MAGI1: variants seen among roughly 807,000 people sequenced by gnomAD.
MAGI1 encodes membrane-associated guanylate kinase, WW and PDZ domain-containing protein 1.
In MAGI1, 58 loss-of-function variants were observed where a neutral mutation model predicts 139.9. The observed-to-expected ratio is 0.41, with a 90% CI of 0.34 to 0.52. The LOEUF is 0.52. Among genes scored for constraint, MAGI1 ranks in the 20% least tolerant of loss-of-function variants. The probability of loss-of-function intolerance (pLI) is 0.12; values close to 1 mark genes in which losing one functional copy is unlikely to be tolerated. For missense variants in MAGI1, 1,874 were observed against 1,901.6 expected (o/e 0.99, Z 0.27); for synonymous variants, 812 against 737.9 (o/e 1.10, Z -1.63).
intron 1 of MAGI1, among the ~76,000 whole-genome samples, chr3:65,986,499 C>T (rs1186187351): frequency 6.6e-6 from 1 of 152,216 alleles, no homozygotes. Context: ...CTAAAATTAG[C>T]TCTTGCCTTG....
intron 13 of MAGI1, among the ~76,000 whole-genome samples, chr3:65,392,433 T>C (rs1277675120): frequency 3.3e-5 from 5 of 152,284 alleles, no homozygotes; most frequent in East Asian, 3.9e-4. Flanking sequence ...ATTTAAAGCA[T>C]TGTATGGGGT....
intron 1 of MAGI1, among the ~76,000 whole-genome samples, chr3:65,694,711 T>A (rs374989044): frequency 6.6e-6 from 1 of 152,238 alleles, no homozygotes; most frequent in Non-Finnish European, 1.5e-5. Context: ...CTTGTACTCC[T>A]GTGACTAACC....
At chr3:65,640,623 G>C (rs534445194) in intron 1 of MAGI1, among the ~76,000 whole-genome samples, 4 of 152,276 alleles carry the variant, frequency 2.6e-5, no homozygotes, top group African/African-American at 9.6e-5. Context: ...CACCTTTTTG[G>C]AAGGAAGCTG....
At chr3:65,553,383 A>G (rs908827054) in intron 2 of MAGI1, among the ~76,000 whole-genome samples, 3 of 152,176 alleles carry the variant, frequency 2.0e-5, no homozygotes, top group Non-Finnish European at 4.4e-5. Flanking sequence ...TTGCCCTAAC[A>G]TTAAACAGAA....
chr3:66,021,452 G>C lies in MAGI1; in HGVS notation c.313+16544C>G, dbSNP rs557969869. Among the ~76,000 whole-genome samples the C allele has an allele frequency of 3.7e-4, 57 of 152,306 alleles. 1 individual carries two copies. The South Asian group carries it at 0.012, about 31-fold the overall frequency. ...TAGCATTTGCCCCCTAGAAGAACTT[G>C]CAGCTCAAATAACTCAATTTGTCTT... On this transcript the variant is annotated intron_variant, in intron 1 of 22. Coordinates refer to ENST00000402939, the MANE Select transcript of MAGI1 (RefSeq NM_001033057.2).
At chr3:65,718,678 G>A (rs982670253) in intron 1 of MAGI1, 7 of 152,114 alleles carry the variant, frequency 4.6e-5, no homozygotes, top group African/African-American at 1.7e-4. Flanking sequence ...CAGGATTCAC[G>A]TACAAATATG....
At chr3:66,017,182 G>A (rs760453251) in intron 1 of MAGI1, among the ~76,000 whole-genome samples, 8 of 152,182 alleles carry the variant, frequency 5.3e-5, no homozygotes, top group Admixed American at 2.0e-4. Context: ...ACCTTGCTAC[G>A]TTCATGAAGT....
At chr3:65,883,873 T>C (rs2060431581) in intron 1 of MAGI1, among the ~76,000 whole-genome samples, 1 of 152,218 alleles carries the variant, frequency 6.6e-6, no homozygotes, top group Non-Finnish European at 1.5e-5. Flanking sequence ...AATAAACTAC[T>C]GGAGCCAGAA....
intron 1 of MAGI1, among the ~76,000 whole-genome samples, chr3:65,969,017 G>A (rs1314536369): frequency 1.3e-5 from 2 of 152,206 alleles, no homozygotes; most frequent in African/African-American, 4.8e-5. Flanking sequence ...GTAATTTGCT[G>A]TATTAGGAAC....
intron 2 of MAGI1, among the ~76,000 whole-genome samples, chr3:65,534,737 C>T (rs1009739212): frequency 6.6e-6 from 1 of 152,112 alleles, no homozygotes; most frequent in Non-Finnish European, 1.5e-5. Flanking sequence ...CAAGAGAGCA[C>T]CAAGATTTGA....
At chr3:65,942,951 G>A (rs1038914490) in intron 1 of MAGI1, among the ~76,000 whole-genome samples, 18 of 152,158 alleles carry the variant, frequency 1.2e-4, no homozygotes, top group Middle Eastern at 3.2e-3. Context: ...AACTCGGGAG[G>A]TGGAGGTTGC....
At chr3:65,826,562 G>A (rs2108276381) in intron 1 of MAGI1, among the ~76,000 whole-genome samples, 1 of 152,276 alleles carries the variant, frequency 6.6e-6, no homozygotes, top group African/African-American at 2.4e-5. Context: ...TTTTCTTACT[G>A]ACCTTAGTTA....
intron 1 of MAGI1, among the ~76,000 whole-genome samples, chr3:65,657,590 C>A (rs535670934): frequency 2.0e-5 from 3 of 152,160 alleles, no homozygotes; most frequent in African/African-American, 7.2e-5. Flanking sequence ...GAACACCACT[C>A]TCTGTTAAAG....
At chr3:65,754,686 C>G (rs1011116299) in intron 1 of MAGI1, among the ~76,000 whole-genome samples, 1 of 152,180 alleles carries the variant, frequency 6.6e-6, no homozygotes, top group South Asian at 2.1e-4. Context: ...AGAAGGCCCA[C>G]TGGGTTTTCA....
At chr3:65,545,777 C>T (rs945096229) in intron 2 of MAGI1, among the ~76,000 whole-genome samples, 1 of 151,644 alleles carries the variant, frequency 6.6e-6, no homozygotes, top group African/African-American at 2.4e-5. Flanking sequence ...GACACCCTTC[C>T]CCTCAAAAAA....
chr3:65,800,171 C>T (rs535232917), intron 1 of MAGI1, among the ~76,000 whole-genome samples: 28 of 152,268 alleles, frequency 1.8e-4, no homozygotes, highest in Non-Finnish European at 1.5e-4. Flanking sequence ...TGACTTAACA[C>T]ATGTAAAGCA....
chr3:65,932,996 G>A (rs1030427117), intron 1 of MAGI1, among the ~76,000 whole-genome samples: 24 of 152,218 alleles, frequency 1.6e-4, no homozygotes, highest in African/African-American at 5.8e-4. Flanking sequence ...AATACCATCT[G>A]CCTCTAGGCA....
intron 2 of MAGI1, among the ~76,000 whole-genome samples, chr3:65,601,729 TA>T (rs74854395): frequency 0.3 from 45,303 of 149,138 alleles, 7,427 homozygotes; most frequent in African/African-American, 0.43. Context: ...AAAGCACAAA[TA>T]AAAAAAAAAC....
At chr3:65,937,467 GAGAA>G (rs1309167801) in intron 1 of MAGI1, among the ~76,000 whole-genome samples, 1 of 152,118 alleles carries the variant, frequency 6.6e-6, no homozygotes, top group Non-Finnish European at 1.5e-5. Context: ...CAGGCCCACA[GAGAA>G]AGAGAGAGGT....
Sources: gnomAD v4.1 joint callset for allele counts (sites outside exome capture counted in the v4.1 genomes callset) on GRCh38, gnomAD v4.1.1 for gene constraint, MANE v1.5 for transcripts, NCBI Gene and HGNC (gene_info 2026-07-23, HGNC 2026-07-21) for gene names.